Variants in USP44 observed in about 807,000 individuals in gnomAD.
USP44 encodes ubiquitin specific peptidase 44, also known as ubiquitin carboxyl-terminal hydrolase 44.
USP44 carries 61 observed loss-of-function variants against 69.0 expected under a neutral mutation model. The ratio of observed to expected loss-of-function variants is 0.88; its 90% CI spans 0.72 to 1.09. USP44 has a LOEUF of 1.09. Ranked by LOEUF, USP44 falls within the 50% of genes least tolerant of loss-of-function variation. The probability of loss-of-function intolerance (pLI) is 0.00; values close to 1 mark genes in which losing one functional copy is unlikely to be tolerated. For synonymous variants in USP44, 297 were observed against 295.4 expected (o/e 1.01, Z -0.06); for missense variants, 753 against 849.9 (o/e 0.89, Z 1.42).
Position 95,518,019 on chromosome 12 carries a change from A to G in USP44, c.*135T>C. 3 of 960,294 alleles carry G rather than the reference A, an allele frequency of 3.1e-6. No individual in the cohort carries two copies. The highest frequency in any genetic ancestry group is 4.4e-6 in the Non-Finnish European group (3 of 674,872). The allele number at this position is 960,294 out of a possible 1,614,324, so 59.5% of individuals were successfully genotyped here. A position where few individuals can be genotyped will look rare whatever the true frequency, so the allele number is the denominator to read the frequency against. ...TATATACATTTATACTTTGTAAAAA[A>G]AAAAATTGTTAGATATAAAATGTAT... On this transcript the variant is annotated 3_prime_UTR_variant, in exon 6 of 6. Coordinates refer to ENST00000258499, the MANE Select transcript of USP44 (RefSeq NM_032147.5).
intron 3 of USP44, among the ~76,000 whole-genome samples, chr12:95,528,206 A>G (rs1592692651): frequency 6.6e-6 from 1 of 152,190 alleles, no homozygotes; most frequent in African/African-American, 2.4e-5. Flanking sequence ...GCTCTCCTCC[A>G]TTAGAGCACT....
At chr12:95,523,546 G>A (rs2076734070) in intron 4 of USP44, among the ~76,000 whole-genome samples, 1 of 152,124 alleles carries the variant, frequency 6.6e-6, no homozygotes, top group Non-Finnish European at 1.5e-5. Context: ...GAGAAACTGA[G>A]TTCGGTTTTT....
chr12:95,538,543 AG>A lies in USP44; in HGVS notation c.-70-4218del, dbSNP rs10686641. Among the ~76,000 whole-genome samples the A allele has an allele frequency of 9.3e-5, 14 of 151,026 alleles. No individual in the cohort carries two copies. In the East Asian group the frequency reaches 2.6e-3, roughly 28 times the overall value. On this transcript the variant is annotated intron_variant, in intron 1 of 5. Transcript: ENST00000258499. Reference sequence around the variant, plus strand: ...CTCCCAGGGGAATTTGCATTTTAAAAGGGGGGGGTCTCTCAAAGATAAAATC... The same window carrying A: ...CTCCCAGGGGAATTTGCATTTTAAAAGGGGGGGTCTCTCAAAGATAAAATC...
At chr12:95,527,629 T>A (rs921796723) in intron 3 of USP44, among the ~76,000 whole-genome samples, 5 of 149,950 alleles carry the variant, frequency 3.3e-5, no homozygotes, top group African/African-American at 7.4e-5. Context: ...GGATTACAGA[T>A]GCACTCCACC....
chr12:95,531,865 G>A (rs548407258), intron 2 of USP44, among the ~76,000 whole-genome samples: 1 of 152,274 alleles, frequency 6.6e-6, no homozygotes, highest in South Asian at 2.1e-4. Context: ...GGAAAGTAGA[G>A]AACCTTATGT....
chr12:95,519,607 A>T (rs2076587883), intron 5 of USP44, among the ~76,000 whole-genome samples: 1 of 145,092 alleles, frequency 6.9e-6, no homozygotes, highest in South Asian at 2.2e-4. Flanking sequence ...CGCCCGGCTA[A>T]TTTTTTTTTT....
chr12:95,543,500 G>GA (rs2077463811), intron 1 of USP44, among the ~76,000 whole-genome samples: 1 of 147,916 alleles, frequency 6.8e-6, no homozygotes, highest in Non-Finnish European at 1.5e-5. Context: ...AAAAAAAGAA[G>GA]AAAAAAAGAG....
intron 1 of USP44, among the ~76,000 whole-genome samples, chr12:95,541,138 G>A (rs2077375563): frequency 1.3e-5 from 2 of 152,142 alleles, no homozygotes; most frequent in African/African-American, 4.8e-5. Flanking sequence ...AATTAGCCGG[G>A]CATGGTGGCA....
intron 4 of USP44, among the ~76,000 whole-genome samples, chr12:95,523,216 G>T (rs942223298): frequency 1.3e-5 from 2 of 152,178 alleles, no homozygotes; most frequent in African/African-American, 4.8e-5. Flanking sequence ...TTCTGTGGGG[G>T]CCCTCTGGAA....
intron 4 of USP44, among the ~76,000 whole-genome samples, 172 bp from the exon 5 acceptor site, chr12:95,521,374 T>C (rs2076656950): frequency 6.6e-6 from 1 of 152,232 alleles, no homozygotes; most frequent in African/African-American, 2.4e-5. Context: ...TTTTGGCTTA[T>C]TTTGCCTTCT....
intron 2 of USP44, among the ~76,000 whole-genome samples, chr12:95,530,937 C>T (rs563521652): frequency 2.6e-5 from 4 of 152,060 alleles, no homozygotes; most frequent in South Asian, 2.1e-4. Flanking sequence ...GGCCGAGGCG[C>T]GTGGATCACA....
At chr12:95,530,186 A>T (rs2076974488) in intron 2 of USP44, among the ~76,000 whole-genome samples, 1 of 152,244 alleles carries the variant, frequency 6.6e-6, no homozygotes, top group South Asian at 2.1e-4. Context: ...CAGTTGTAAT[A>T]CAGATTTTAG....
rs2076496043 is a variant in USP44 at position 95,517,092 on chromosome 12, T to G, written c.*1062A>C. On this transcript the variant is annotated 3_prime_UTR_variant, in exon 6 of 6. Coordinates refer to ENST00000258499, the MANE Select transcript of USP44 (RefSeq NM_032147.5). Reference sequence around the variant, plus strand: ...TTTGTGCAAGTTTAGATAGATAGCTTTTAGTTTTTTTTTTTTTTTTTAATG... The same window carrying G: ...TTTGTGCAAGTTTAGATAGATAGCTGTTAGTTTTTTTTTTTTTTTTTAATG... 1 of 149,360 alleles carries G rather than the reference T, an allele frequency of 6.7e-6. No individual in the cohort carries two copies. The highest frequency in any genetic ancestry group is 1.5e-5 in the Non-Finnish European group (1 of 67,674). The allele number at this position is 149,360 out of a possible 1,614,324, so 9.3% of individuals were successfully genotyped here.
intron 5 of USP44, 130 bp from the exon 6 acceptor site, chr12:95,518,483 T>C (rs1358105347): frequency 1.1e-6 from 1 of 922,596 alleles, no homozygotes; most frequent in Non-Finnish European, 1.6e-6. Context: ...TAATGAGAAA[T>C]ATAGATTGGG....
chr12:95,524,762 G>GT lies in USP44; in HGVS notation c.1650dup (p.Pro551ThrfsTer33). 1.2e-6 allele frequency: 2 copies of GT among 1,611,266 alleles called. No individual in the cohort carries two copies. The highest frequency in any genetic ancestry group is 4.5e-5 in the East Asian group (2 of 44,784). On this transcript the variant is annotated frameshift_variant, in exon 4 of 6. Transcript: ENST00000258499. LOFTEE classifies it high-confidence loss of function. ...TTCTGGGCTTCTGTGAGTACAACTG[G>GT]TTTGGAGGAAAACCTTCTACGCTTT...
chr12:95,533,195 T>G lies in USP44; in HGVS notation c.1062A>C (p.Ser354=). The G allele has an allele frequency of 1.2e-6, 2 of 1,614,162 alleles. No homozygotes were observed. The highest frequency in any genetic ancestry group is 1.1e-5 in the South Asian group (1 of 91,078). The part of the protein sequence containing the change: ...FVCSRQSSLS[S]GLSGGASKGR... ...CTTTTGATGCTCCACCACTTAGTCC[T>G]GATGACAGACTTGATTGTCTGGAGC... is the stretch of plus-strand genomic sequence containing the variant. The change falls in exon 2 of 6, where the codon TCA becomes TCC. Residue 354 remains serine, a synonymous_variant. Transcript: ENST00000258499.
chr12:95,532,488 G>A (rs1374676493), intron 2 of USP44, among the ~76,000 whole-genome samples: 3 of 151,852 alleles, frequency 2.0e-5, no homozygotes, highest in Admixed American at 6.6e-5. Flanking sequence ...TTTTCATCCC[G>A]AGAATAGCAG....
At chr12:95,541,118 A>T (rs2077374479) in intron 1 of USP44, among the ~76,000 whole-genome samples, 2 of 152,148 alleles carry the variant, frequency 1.3e-5, no homozygotes, top group Non-Finnish European at 2.9e-5. Context: ...TCTCTACTAA[A>T]AATACAAAAA....
At chr12:95,520,159 G>T (rs1242247817) in intron 5 of USP44, among the ~76,000 whole-genome samples, 1 of 151,046 alleles carries the variant, frequency 6.6e-6, no homozygotes, top group Non-Finnish European at 1.5e-5. Flanking sequence ...GTGGGGGTGG[G>T]GAGTTGGAGT....
Sources: gnomAD v4.1 joint callset for allele counts (sites outside exome capture counted in the v4.1 genomes callset) on GRCh38, gnomAD v4.1.1 for gene constraint, MANE v1.5 for transcripts, NCBI Gene and HGNC (gene_info 2026-07-23, HGNC 2026-07-21) for gene names.